Variants in NCAPD3 observed in about 807,000 individuals in gnomAD.
NCAPD3 encodes the protein condensin-2 complex subunit D3.
In NCAPD3, 105 loss-of-function variants were observed where a neutral mutation model predicts 182.9. That is an observed-to-expected ratio of 0.57 (90% CI 0.49 to 0.68). NCAPD3 has a LOEUF of 0.68. Among genes scored for constraint, NCAPD3 ranks in the 30% least tolerant of loss-of-function variants. The probability of loss-of-function intolerance (pLI) is 0.00; values close to 1 mark genes in which losing one functional copy is unlikely to be tolerated. For missense variants in NCAPD3, 1,944 were observed against 1,837.0 expected, an observed-to-expected ratio of 1.06 and a Z score of -1.07; for synonymous variants, 815 against 679.9, an observed-to-expected ratio of 1.20 and a Z score of -3.09.
rs146594556 is a variant in NCAPD3 at position 134,181,173 on chromosome 11, C to T, written c.2463G>A (p.Thr821=). The part of the protein sequence containing the change: ...ETPAEEQELL[T]QVCGDVLSTC... Reference sequence around the variant, plus strand: ...TGGAGAGTACATCCCCACACACCTGCGTCAGCAATTCCTACGGCAAGTCAA... The same window carrying T: ...TGGAGAGTACATCCCCACACACCTGTGTCAGCAATTCCTACGGCAAGTCAA... The change falls in exon 20 of 35, where the codon ACG becomes ACA. Residue 821 remains threonine, a synonymous_variant. Coordinates refer to ENST00000534548, the MANE Select transcript of NCAPD3 (RefSeq NM_015261.3). 2.3e-4 allele frequency: 373 copies of T among 1,613,516 alleles called. 2 individuals are homozygous for T. The highest frequency in any genetic ancestry group is 1.5e-3 in the Middle Eastern group (9 of 6,062).
intron 24 of NCAPD3, among the ~76,000 whole-genome samples, chr11:134,170,514 A>T (rs1264506696): frequency 6.6e-6 from 1 of 152,268 alleles, no homozygotes; most frequent in Non-Finnish European, 1.5e-5. Flanking sequence ...ATGGCATGGC[A>T]GTTTCCACAT....
At chr11:134,172,433 T>C (rs1318666380) in intron 24 of NCAPD3, among the ~76,000 whole-genome samples, 2 of 152,156 alleles carry the variant, frequency 1.3e-5, no homozygotes, top group Non-Finnish European at 2.9e-5. Context: ...CCCATTCCGA[T>C]TGTTCCATGG....
chr11:134,165,319 GAC>G, intron 27 of NCAPD3, among the ~76,000 whole-genome samples: 1 of 151,886 alleles, frequency 6.6e-6, no homozygotes, highest in Middle Eastern at 3.4e-3. Context: ...ACTCACTTGT[GAC>G]ATGAGCTTAA....
At position 134,193,876 on chromosome 11, in the gene NCAPD3, C is replaced by A; in HGVS notation, c.1824+140G>T. On this transcript the variant is annotated intron_variant, in intron 15 of 34. Coordinates refer to ENST00000534548, the MANE Select transcript of NCAPD3 (RefSeq NM_015261.3). ...CACACATAATTCAAAAATACCTCCT[C>A]CCTTACATTGTACAGTTCTACAGTG... 4 of 738,768 alleles carry A rather than the reference C, an allele frequency of 5.4e-6. No homozygotes were observed. In the East Asian group the frequency reaches 7.9e-5, roughly 15 times the overall value. 45.8% of individuals were successfully genotyped at this position (738,768 alleles called of 1,614,324 possible). A position where few individuals can be genotyped will look rare whatever the true frequency, so the allele number is the denominator to read the frequency against.
upstream of NCAPD3, chr11:134,225,185 T>C (rs74462513): frequency 2.6e-3 from 4,165 of 1,613,112 alleles, 81 homozygotes; most frequent in African/African-American, 0.045. Context: ...ATGCAGAGAG[T>C]AGGAAGCGGG....
At chr11:134,214,298 C>T (rs1234409045) in intron 3 of NCAPD3, among the ~76,000 whole-genome samples, 1 of 152,070 alleles carries the variant, frequency 6.6e-6, no homozygotes, top group Non-Finnish European at 1.5e-5. Context: ...AAAATAAACT[C>T]AATTTACTAA....
chr11:134,223,970 A>C, upstream of NCAPD3: 1 of 1,603,638 alleles, frequency 6.2e-7, no homozygotes, highest in Non-Finnish European at 8.5e-7. Flanking sequence ...CAACTTTCAA[A>C]GCTCGCTCCC....
At chr11:134,186,149 A>G (rs539684581) in intron 16 of NCAPD3, 1 of 152,310 alleles carries the variant, frequency 6.6e-6, no homozygotes, top group South Asian at 2.1e-4. Flanking sequence ...GATATTTCAA[A>G]CCTTTTCAAA....
At chr11:134,183,285 ACT>A (rs1944334391) in intron 19 of NCAPD3, 3 of 391,482 alleles carry the variant, frequency 7.7e-6, no homozygotes, top group African/African-American at 2.1e-5. Context: ...CCTCCTGATC[ACT>A]CTTTCCTCAG....
chr11:134,199,834 A>G (rs1944713031), intron 13 of NCAPD3, among the ~76,000 whole-genome samples: 1 of 152,226 alleles, frequency 6.6e-6, no homozygotes, highest in African/African-American at 2.4e-5. Context: ...CTCCTACGCT[A>G]GAACGCAACG....
In NCAPD3 at chr11:134,209,379, A is replaced by G; in HGVS notation, c.666T>C (p.Asn222=). 6.2e-7 allele frequency: 1 copy of G among 1,614,136 alleles called. No individual in the cohort carries two copies. The highest frequency in any genetic ancestry group is 8.5e-7 in the Non-Finnish European group (1 of 1,179,994). The change falls in exon 5 of 35, where the codon AAT becomes AAC. Residue 222 remains asparagine (N), a synonymous_variant. Coordinates refer to ENST00000534548, the MANE Select transcript of NCAPD3 (RefSeq NM_015261.3). ...IRNAIFHLLK[N]FLRLLPKFSL... ...AAAACTTTGGCAGAAGCCTTAAAAA[A>G]TTCTTTAAAAGGTGAAAGATGGCAT...
rs1284228145 is a variant in NCAPD3, at chr11:134,202,850, G to A, written c.1581C>T (p.Asn527=). Residue 527 remains asparagine, a synonymous_variant, in exon 13 of 35, where the codon AAC becomes AAT. Coordinates refer to ENST00000534548, the MANE Select transcript of NCAPD3 (RefSeq NM_015261.3). ...CAACTGTTTCACCACTGCTGTCTAT[G>A]TTGATCTCCCCTGAGGGTTCGGAAC... ...SNRSEPSGEI[N]IDSSGETVGS... 2 of 1,609,590 alleles carry A rather than the reference G, an allele frequency of 1.2e-6. No homozygotes were observed. The highest frequency in any genetic ancestry group is 1.7e-5 in the Admixed American group (1 of 58,774).
chr11:134,201,503 G>A (rs185711570), intron 13 of NCAPD3, among the ~76,000 whole-genome samples: 2 of 152,280 alleles, frequency 1.3e-5, no homozygotes, highest in Admixed American at 1.3e-4. Flanking sequence ...ACTTTCCATG[G>A]TGAACTTTAT....
At chr11:134,176,435 G>T in intron 23 of NCAPD3, 49 bp from the exon 24 acceptor site, 1 of 1,528,046 alleles carries the variant, frequency 6.5e-7, no homozygotes, top group Non-Finnish European at 9.1e-7. Flanking sequence ...TCATGGGCAA[G>T]CCTCACTGTT....
Position 134,206,631 on chromosome 11 carries a change from G to A in NCAPD3, c.984C>T (p.Ile328=). The change falls in exon 8 of 35, where the codon ATC becomes ATT. Residue 328 remains isoleucine (I), a synonymous_variant. Coordinates refer to ENST00000534548, the MANE Select transcript of NCAPD3 (RefSeq NM_015261.3). ...RAPLAVTSQV[I]NCRNQAVQFI... is the part of the protein sequence containing the mutation. ...ACTGGACCGCCTGGTTTCTACAGTT[G>A]ATGACTTGGGAGGTAACAGCAAGGG... The A allele has an allele frequency of 6.2e-7, 1 of 1,613,466 alleles. No homozygotes were observed. The highest frequency in any genetic ancestry group is 8.5e-7 in the Non-Finnish European group (1 of 1,179,778).
chr11:134,188,076 T>A (rs531758390), intron 16 of NCAPD3, among the ~76,000 whole-genome samples: 1 of 152,264 alleles, frequency 6.6e-6, no homozygotes, highest in South Asian at 2.1e-4. Flanking sequence ...AGTGGGGACA[T>A]GGAGAACTTT....
chr11:134,208,953 T>A lies in NCAPD3; in HGVS notation c.795-2A>T, dbSNP rs759230433. The A allele has an allele frequency of 1.5e-6, 2 of 1,328,428 alleles. No individual in the cohort carries two copies. The highest frequency in any genetic ancestry group is 2.0e-6 in the Non-Finnish European group (2 of 979,304). 82.3% of individuals were successfully genotyped at this position (1,328,428 alleles called of 1,614,324 possible). ...ATGTATTTTGCTTGGTTAAGAGCTC[T>A]AAAAAAAAAAGACGAAATATTAGTT... On this transcript the variant is annotated splice_acceptor_variant, in intron 6 of 34. Coordinates refer to ENST00000534548, the MANE Select transcript of NCAPD3 (RefSeq NM_015261.3). LOFTEE classifies it high-confidence loss of function.
intron 16 of NCAPD3, among the ~76,000 whole-genome samples, chr11:134,189,055 C>T (rs943945893): frequency 1.3e-5 from 2 of 152,108 alleles, no homozygotes; most frequent in Non-Finnish European, 2.9e-5. Context: ...CAAATTAATA[C>T]AAAGAGCTGT....
chr11:134,225,012 G>A, upstream of NCAPD3: 1 of 1,029,600 alleles, frequency 9.7e-7, no homozygotes, highest in Non-Finnish European at 1.3e-6. Flanking sequence ...CAGCCCCGCG[G>A]CGGCCGAGCG....
Sources: gnomAD v4.1 joint callset for allele counts (sites outside exome capture counted in the v4.1 genomes callset) on GRCh38, gnomAD v4.1.1 for gene constraint, MANE v1.5 for transcripts, NCBI Gene and HGNC (gene_info 2026-07-23, HGNC 2026-07-21) for gene names.